The following SETDB2 variants were observed in gnomAD, a reference collection of about 807,000 sequenced individuals.
SETDB2 encodes histone-lysine N-methyltransferase SETDB2.
Under a neutral mutation model 82.5 loss-of-function variants are expected in SETDB2, and 56 were observed. The observed-to-expected ratio is 0.68, with a 90% CI of 0.55 to 0.85. SETDB2 has a LOEUF of 0.85. Among genes scored for constraint, SETDB2 ranks in the 40% least tolerant of loss-of-function variants. The pLI is 0.00. For missense variants in SETDB2, 677 were observed against 816.4 expected (o/e 0.83, Z 2.08); for synonymous variants, 272 against 284.9 (o/e 0.95, Z 0.46).
At chr13:49,452,076 T>C (rs1399176043) in intron 2 of SETDB2, among the ~76,000 whole-genome samples, 167 bp downstream of exon 2, 1 of 152,084 alleles carries the variant, frequency 6.6e-6, no homozygotes, top group African/African-American at 2.4e-5. Context: ...ACTGTCTTTA[T>C]CATTAGTTGT....
Position 49,461,113 on chromosome 13 carries a change from G to T in SETDB2, c.159G>T (p.Met53Ile). 1 of 1,611,712 alleles carries T rather than the reference G, an allele frequency of 6.2e-7. No individual in the cohort carries two copies. The highest frequency in any genetic ancestry group is 8.5e-7 in the Non-Finnish European group (1 of 1,178,276). ...SATNKEYIQAMILVNEATIIN... is the reference protein window; with the variant it reads ...SATNKEYIQAIILVNEATIIN... ...CTTTAACAGAATACATCCAAGCAATGATTCTAGTGAATGAAGCAACTATAA... is the reference window on the plus strand; with the variant it reads ...CTTTAACAGAATACATCCAAGCAATTATTCTAGTGAATGAAGCAACTATAA... Residue 53 changes from methionine to isoleucine, a missense_variant, in exon 4 of 14, where the codon ATG becomes ATT. Met to Ile is a conservative substitution (Grantham distance 10). Transcript: ENST00000611815.
intron 4 of SETDB2, among the ~76,000 whole-genome samples, chr13:49,464,348 T>C (rs911638277): frequency 6.6e-6 from 1 of 152,248 alleles, no homozygotes; most frequent in Non-Finnish European, 1.5e-5. Context: ...TCTTCCTGTA[T>C]TTGTTCATTC....
chr13:49,469,318 C>T (rs1958181036), intron 5 of SETDB2, among the ~76,000 whole-genome samples: 1 of 152,194 alleles, frequency 6.6e-6, no homozygotes, highest in Non-Finnish European at 1.5e-5. Flanking sequence ...GAATTTACTT[C>T]TACTGTTGTC....
At chr13:49,464,851 C>T (rs1958069850) in intron 4 of SETDB2, among the ~76,000 whole-genome samples, 1 of 151,834 alleles carries the variant, frequency 6.6e-6, no homozygotes, top group Non-Finnish European at 1.5e-5. Flanking sequence ...CACCTGAGCC[C>T]AGGAGTTTGA....
intron 2 of SETDB2, among the ~76,000 whole-genome samples, chr13:49,456,546 T>C (rs757529369): frequency 6.6e-6 from 1 of 152,202 alleles, no homozygotes; most frequent in Non-Finnish European, 1.5e-5. Context: ...ATTAGTATGC[T>C]GAATTGATCT....
intron 5 of SETDB2, among the ~76,000 whole-genome samples, chr13:49,474,614 G>A (rs149423465): frequency 3.8e-3 from 580 of 152,286 alleles, no homozygotes; most frequent in African/African-American, 0.013. Context: ...TACTGTATAC[G>A]TTCTAAAAGA....
At position 49,451,892 on chromosome 13, in the gene SETDB2, A is replaced by C. The variant is rs752520168; in HGVS notation, c.-2A>C. 6.3e-7 allele frequency: 1 copy of C among 1,598,138 alleles called. No individual in the cohort carries two copies. Among genetic ancestry groups the C allele is most frequent in the Non-Finnish European group, 8.6e-7 (1 of 1,169,504 alleles). The stretch of plus-strand genomic sequence containing the variant: ...TTTTATATTTATAAGCGACATCAAA[A>C]GATGGGAGAAAAAAATGGTAGGTTG... On this transcript the variant is annotated 5_prime_UTR_variant, in exon 2 of 14. Transcript: ENST00000611815.
intron 11 of SETDB2, among the ~76,000 whole-genome samples, chr13:49,486,266 G>A (rs576994039): frequency 6.6e-6 from 1 of 150,890 alleles, no homozygotes; most frequent in African/African-American, 2.4e-5. Flanking sequence ...ATTGTGCCAC[G>A]GTACTGCAGC....
intron 10 of SETDB2, 114 bp from the exon 11 acceptor site, chr13:49,485,515 CA>C (rs1367031679): frequency 1.3e-6 from 1 of 788,276 alleles, no homozygotes; most frequent in Non-Finnish European, 2.1e-6. Context: ...TGAGGCTTTT[CA>C]AAACGAATCT....
At chr13:49,445,161 G>A (rs1957637612) in intron 1 of SETDB2, among the ~76,000 whole-genome samples, 1 of 152,230 alleles carries the variant, frequency 6.6e-6, no homozygotes, top group Admixed American at 6.5e-5. Context: ...TTACGGTATG[G>A]CATTCCTTAG....
intron 12 of SETDB2, among the ~76,000 whole-genome samples, chr13:49,489,515 AAAAG>A: frequency 1.3e-5 from 2 of 151,470 alleles, no homozygotes. Context: ...AAAAAAAAAA[AAAAG>A]CCATACCTTG....
intron 11 of SETDB2, 52 bp from the exon 12 acceptor site, chr13:49,488,238 C>T: frequency 6.6e-7 from 1 of 1,519,520 alleles, no homozygotes; most frequent in Non-Finnish European, 8.7e-7. Flanking sequence ...AATTTCAGCA[C>T]TATTGCTCAG....
chr13:49,460,310 A>G (rs777344778), intron 3 of SETDB2, 78 bp downstream of exon 3: 103 of 1,419,146 alleles, frequency 7.3e-5, no homozygotes, highest in Admixed American at 1.0e-4. Context: ...TCTATTTCCA[A>G]TATTGCTGTT....
In SETDB2 at chr13:49,477,019, C is replaced by T; in HGVS notation, c.849C>T (p.Cys283=). ...GCATGTTTACTGATTCCTGTGACTG[C>T]TCTGAGGGCTGCATAGACATGTGAG... ...FSSMFTDSCD[C]SEGCIDITKC... is the part of the protein sequence containing the mutation. The change falls in exon 6 of 14, where the codon TGC becomes TGT. Residue 283 remains cysteine, a synonymous_variant. Transcript: ENST00000611815. 6.2e-7 allele frequency: 1 copy of T among 1,602,094 alleles called. No homozygotes were observed. Among genetic ancestry groups the T allele is most frequent in the Non-Finnish European group, 8.5e-7 (1 of 1,176,942 alleles).
chr13:49,446,448 A>T (rs1957691216), intron 1 of SETDB2: 1 of 454,398 alleles, frequency 2.2e-6, no homozygotes, highest in Admixed American at 2.4e-5. Flanking sequence ...AGACTTTGGT[A>T]CAGAGCTTTC....
intron 8 of SETDB2, 54 bp from the exon 9 acceptor site, chr13:49,482,683 A>G: frequency 8.7e-7 from 1 of 1,146,346 alleles, no homozygotes; most frequent in Non-Finnish European, 1.3e-6. Flanking sequence ...ATGTCTGTTT[A>G]TCATTAGCAA....
chr13:49,464,433 G>C (rs1958060378), intron 4 of SETDB2, among the ~76,000 whole-genome samples: 1 of 152,122 alleles, frequency 6.6e-6, no homozygotes, highest in South Asian at 2.1e-4. Context: ...ATTATATTTA[G>C]TTTTGCAAGA....
At chr13:49,463,125 C>A (rs1196009588) in intron 4 of SETDB2, among the ~76,000 whole-genome samples, 5 of 152,084 alleles carry the variant, frequency 3.3e-5, no homozygotes, top group African/African-American at 1.2e-4. Flanking sequence ...CCTGCCCCAG[C>A]CTCCCGAGTA....
Position 49,458,821 on chromosome 13 carries a change from G to A in SETDB2, c.17-1286G>A, listed in dbSNP as rs1957940834. 2.6e-5 allele frequency among the ~76,000 whole-genome samples: 4 copies of A among 152,194 alleles called. No homozygotes were observed. The South Asian group carries it at 8.3e-4, about 32-fold the overall frequency. On this transcript the variant is annotated intron_variant, in intron 2 of 13. Coordinates refer to ENST00000611815, the MANE Select transcript of SETDB2 (RefSeq NM_001160308.3). The stretch of plus-strand genomic sequence containing the variant: ...ATATGATTGCCTGAGGCAAAAAAGT[G>A]GAGATCATTCATGACTCCTCCCACT...
Sources: gnomAD v4.1 joint callset for allele counts (sites outside exome capture counted in the v4.1 genomes callset) on GRCh38, gnomAD v4.1.1 for gene constraint, MANE v1.5 for transcripts, NCBI Gene and HGNC (gene_info 2026-07-23, HGNC 2026-07-21) for gene names.